The following PTPRD variants were observed in gnomAD, a reference collection of about 807,000 sequenced individuals.
The protein encoded by PTPRD is protein tyrosine phosphatase receptor type D.
Under a neutral mutation model 214.5 loss-of-function variants are expected in PTPRD, and 34 were observed. The observed-to-expected ratio is 0.16, with a 90% CI of 0.12 to 0.21. The LOEUF (loss-of-function observed/expected upper bound fraction) is 0.21, where lower values mean the gene tolerates loss of function less well. Ranked by LOEUF, PTPRD falls within the 10% of genes least tolerant of loss-of-function variation. PTPRD has a pLI of 1.00. For missense variants in PTPRD, 2,545 were observed against 2,398.7 expected (o/e 1.06, Z -1.27); for synonymous variants, 1,128 against 845.7 (o/e 1.33, Z -5.79).
At chr9:10,140,920 C>A (rs978544275) in intron 3 of PTPRD, among the ~76,000 whole-genome samples, 1 of 151,916 alleles carries the variant, frequency 6.6e-6, no homozygotes, top group Non-Finnish European at 1.5e-5. Flanking sequence ...TGGGCTTCAT[C>A]CCTGGGATGC....
chr9:9,053,536 T>C (rs951473428), intron 10 of PTPRD, among the ~76,000 whole-genome samples: 1 of 152,072 alleles, frequency 6.6e-6, no homozygotes, highest in Admixed American at 6.6e-5. Context: ...TTATACAAAA[T>C]TAGCTTAGGA....
At chr9:8,355,629 A>C (rs2076790022) in intron 39 of PTPRD, among the ~76,000 whole-genome samples, 1 of 152,176 alleles carries the variant, frequency 6.6e-6, no homozygotes. Flanking sequence ...AATATTCAAT[A>C]ATTCAACTCA....
chr9:10,486,246 A>C (rs948411890), intron 2 of PTPRD, among the ~76,000 whole-genome samples: 5 of 152,084 alleles, frequency 3.3e-5, no homozygotes, highest in African/African-American at 1.2e-4. Flanking sequence ...TTTGTCATGA[A>C]GTCTTTGCCC....
At chr9:10,362,743 G>T (rs1291844026) in intron 2 of PTPRD, among the ~76,000 whole-genome samples, 1 of 152,122 alleles carries the variant, frequency 6.6e-6, no homozygotes, top group Non-Finnish European at 1.5e-5. Flanking sequence ...AGCCAGGCAT[G>T]GTGTCACGTG....
chr9:8,965,381 G>GAAA (rs34169157), intron 11 of PTPRD, among the ~76,000 whole-genome samples: 1 of 126,904 alleles, frequency 7.9e-6, no homozygotes. Context: ...CTCTGCTTCA[G>GAAA]AAAAAAAAAA....
At chr9:10,545,557 T>C (rs911569248) in intron 2 of PTPRD, among the ~76,000 whole-genome samples, 8 of 152,168 alleles carry the variant, frequency 5.3e-5, no homozygotes, top group Admixed American at 5.2e-4. Context: ...TTGATCCAGG[T>C]AATATTGTCC....
In PTPRD at chr9:8,696,072, C is replaced by G. The variant is rs553000185; in HGVS notation, c.64+37708G>C. Among the ~76,000 whole-genome samples, 6 of 152,306 alleles carry G rather than the reference C, an allele frequency of 3.9e-5. No individual in the cohort carries two copies. In the East Asian group the frequency reaches 1.2e-3, roughly 29 times the overall value. ...GAGAGTAAAAGCACAACCCAAGAGG[C>G]GCTCCAGAAACTGGATCAGCAGAGA... On this transcript the variant is annotated intron_variant, in intron 12 of 45. Transcript: ENST00000381196.
In PTPRD at chr9:9,435,080, T is replaced by C. The variant is rs2084690516; in HGVS notation, c.-236-37598A>G. Among the ~76,000 whole-genome samples the C allele has an allele frequency of 2.0e-5, 3 of 151,976 alleles. No homozygotes were observed. The South Asian group carries it at 6.2e-4, about 31-fold the overall frequency. On this transcript the variant is annotated intron_variant, in intron 8 of 45. Transcript: ENST00000381196. ...AGATAATTTAAACTCTTTTAATGTA[T>C]TTCCTAAAATTTTGGCAAATTTTAG...
intron 12 of PTPRD, chr9:8,713,471 T>A: frequency 8.9e-7 from 1 of 1,122,314 alleles, no homozygotes; most frequent in Non-Finnish European, 1.3e-6. Context: ...TTAAAGAAAA[T>A]GAAGAAGTCT....
intron 5 of PTPRD, among the ~76,000 whole-genome samples, chr9:9,882,638 A>G (rs1308675535): frequency 6.6e-6 from 1 of 152,200 alleles, no homozygotes; most frequent in Non-Finnish European, 1.5e-5. Flanking sequence ...TAAGGTGGAT[A>G]GCAACTGTTG....
chr9:8,876,835 T>C (rs764797030), intron 11 of PTPRD, among the ~76,000 whole-genome samples: 16 of 152,224 alleles, frequency 1.1e-4, no homozygotes, highest in Non-Finnish European at 1.5e-4. Flanking sequence ...GACCATGGTC[T>C]GATATTAGGG....
intron 8 of PTPRD, among the ~76,000 whole-genome samples, chr9:9,424,632 G>A (rs2080127841): frequency 1.3e-5 from 2 of 152,108 alleles, no homozygotes; most frequent in African/African-American, 4.8e-5. Context: ...GGCTAAGGGT[G>A]ACTAACTAAA....
chr9:8,444,013 T>A (rs576726957), intron 34 of PTPRD, among the ~76,000 whole-genome samples: 1 of 152,272 alleles, frequency 6.6e-6, no homozygotes, highest in Admixed American at 6.5e-5. Flanking sequence ...CAGTAAAGGA[T>A]TTTTACAGTA....
rs186624140 is a variant in PTPRD at position 9,940,649 on chromosome 9, G to A, written c.-471-2039C>T. 6.8e-4 allele frequency among the ~76,000 whole-genome samples: 104 copies of A among 152,270 alleles called. No homozygotes were observed. The East Asian group carries it at 0.014, about 21-fold the overall frequency. The stretch of plus-strand genomic sequence containing the variant: ...TGGAGGCTATAATATTAACAAAAGT[G>A]TCAACAGCTCTCCTGTTGAAATACA... On this transcript the variant is annotated intron_variant, in intron 4 of 45. Transcript: ENST00000381196.
At chr9:9,200,833 TA>T (rs1401734688) in intron 9 of PTPRD, among the ~76,000 whole-genome samples, 1 of 152,198 alleles carries the variant, frequency 6.6e-6, no homozygotes, top group Admixed American at 6.5e-5. Context: ...ACAAAGAAAT[TA>T]TTAAAGCTTA....
chr9:8,388,446 C>T (rs1304205179), intron 37 of PTPRD, among the ~76,000 whole-genome samples: 2 of 152,092 alleles, frequency 1.3e-5, no homozygotes, highest in Admixed American at 6.5e-5. Context: ...TTTCAGAGAT[C>T]CCATCATTAA....
At chr9:9,033,196 A>G (rs2099611157) in intron 10 of PTPRD, among the ~76,000 whole-genome samples, 1 of 152,146 alleles carries the variant, frequency 6.6e-6, no homozygotes, top group Non-Finnish European at 1.5e-5. Context: ...CAGTAATCAT[A>G]TCAGTGTTTT....
In PTPRD at chr9:8,507,507, C is replaced by A. The variant is rs562429105; in HGVS notation, c.1544-73G>T. ...TCACAAAGTTCTTCCATTAGCGTAA[C>A]CTGCTTAAACCTTTCGAAATCTGTA... is the stretch of plus-strand genomic sequence containing the variant. On this transcript the variant is annotated intron_variant, in intron 21 of 45. Transcript: ENST00000381196. 18 of 1,571,550 alleles carry A rather than the reference C, an allele frequency of 1.1e-5. No homozygotes were observed. The South Asian group carries it at 1.7e-4, about 15-fold the overall frequency.
At chr9:8,701,660 C>T (rs887802883) in intron 12 of PTPRD, 3 of 152,128 alleles carry the variant, frequency 2.0e-5, no homozygotes, top group South Asian at 2.1e-4. Flanking sequence ...TAATAATTTC[C>T]CAAAGATTTT....
Sources: allele counts gnomAD v4.1 joint callset (sites outside exome capture counted in the v4.1 genomes callset), GRCh38; gene constraint gnomAD v4.1.1; transcripts MANE v1.5; gene names NCBI Gene and HGNC (gene_info 2026-07-23, HGNC 2026-07-21).